The following KDELR3 variants were observed in gnomAD, a reference collection of about 807,000 sequenced individuals.
The protein encoded by KDELR3 is KDEL endoplasmic reticulum protein retention receptor 3.
A neutral mutation model predicts 22.7 loss-of-function variants in KDELR3; 26 were observed. The ratio of observed to expected loss-of-function variants is 1.15; its 90% CI spans 0.84 to 1.59. KDELR3 has a LOEUF of 1.59. Ranked by LOEUF, KDELR3 falls within the 40% of genes most tolerant of loss-of-function variation. The pLI is 0.00. For synonymous variants in KDELR3, 120 were observed against 98.2 expected (o/e 1.22, Z -1.31); for missense variants, 289 against 251.1 (o/e 1.15, Z -1.02).
intron 1 of KDELR3, 114 bp downstream of exon 1, chr22:38,468,438 G>A (rs1033197396): frequency 3.7e-6 from 3 of 803,482 alleles, no homozygotes; most frequent in Non-Finnish European, 6.1e-6. Flanking sequence ...CCGGCGTGGG[G>A]GTCCTTGAAA....
chr22:38,479,548 A>G (rs1602662131), intron 2 of KDELR3, 45 bp from the exon 3 acceptor site: 1 of 1,575,532 alleles, frequency 6.3e-7, no homozygotes, highest in Non-Finnish European at 8.7e-7. Flanking sequence ...ATAGGCCGGG[A>G]AATGACTTCA....
Position 38,482,594 on chromosome 22 carries a change from T to C in KDELR3, c.*58T>C. On this transcript the variant is annotated 3_prime_UTR_variant, in exon 5 of 5. Transcript: ENST00000216014. ...CACATGAAGGAAACTATTTTGAATG[T>C]TCTCTTTGGCAACTTATCCATAATT... 2 of 1,429,218 alleles carry C rather than the reference T, an allele frequency of 1.4e-6. No individual in the cohort carries two copies. Among genetic ancestry groups the C allele is most frequent in the Non-Finnish European group, 2.0e-6 (2 of 1,017,342 alleles). 88.5% of individuals were successfully genotyped at this position (1,429,218 alleles called of 1,614,324 possible). A position where few individuals can be genotyped will look rare whatever the true frequency, so the allele number is the denominator to read the frequency against.
chr22:38,476,624 A>C (rs1289763583), intron 2 of KDELR3, among the ~76,000 whole-genome samples: 1 of 151,952 alleles, frequency 6.6e-6, no homozygotes, highest in Non-Finnish European at 1.5e-5. Flanking sequence ...TCCTGGATTC[A>C]AGCAATTCTC....
intron 2 of KDELR3, 25 bp downstream of exon 2, chr22:38,474,648 G>T: frequency 6.3e-7 from 1 of 1,579,910 alleles, no homozygotes; most frequent in Non-Finnish European, 8.7e-7. Flanking sequence ...GATGATGGTT[G>T]GGGGAAGCCA....
chr22:38,475,877 AC>A (rs1406328609), intron 2 of KDELR3, among the ~76,000 whole-genome samples: 5 of 151,942 alleles, frequency 3.3e-5, no homozygotes, highest in African/African-American at 1.2e-4. Flanking sequence ...CAAGTGGTCC[AC>A]CCACCTCGAC....
In KDELR3 at chr22:38,483,443, G is replaced by T. The variant is rs1199106404; in HGVS notation, c.*907G>T. ...AAGCAATAAAAGCTCACACCTTATT[G>T]TCAACAGTGTTTTTATTTATACCTA... On this transcript the variant is annotated 3_prime_UTR_variant, in exon 5 of 5. Transcript: ENST00000216014. The T allele has an allele frequency of 6.6e-6, 1 of 152,358 alleles. No homozygotes were observed. The allele number at this position is 152,358 out of a possible 1,614,324, so 9.4% of individuals were successfully genotyped here.
intron 4 of KDELR3, among the ~76,000 whole-genome samples, chr22:38,482,215 G>A (rs1201126467): frequency 6.6e-6 from 1 of 152,190 alleles, no homozygotes; most frequent in Non-Finnish European, 1.5e-5. Flanking sequence ...GTGGACACAA[G>A]TTCTAGGACT....
chr22:38,482,390 T>A, intron 4 of KDELR3, 106 bp from the exon 5 acceptor site: 1 of 922,526 alleles, frequency 1.1e-6, no homozygotes, highest in Non-Finnish European at 1.8e-6. Flanking sequence ...ATCGAACATA[T>A]ACTGTGAGCC....
chr22:38,481,529 A>C (rs997803438), intron 4 of KDELR3, 65 bp downstream of exon 4: 1 of 1,607,702 alleles, frequency 6.2e-7, no homozygotes, highest in Non-Finnish European at 8.5e-7. Flanking sequence ...TTTAATAAGT[A>C]TTCCAGCAGA....
In KDELR3 at chr22:38,481,189, T is replaced by C. The variant is rs376950482; in HGVS notation, c.352-23T>C. 16 of 1,602,264 alleles carry C rather than the reference T, an allele frequency of 1.0e-5. No homozygotes were observed. In the African/African-American group the frequency reaches 1.3e-4, roughly 13 times the overall value. ...CCTCTTCTTGGTCTTGCTCAGTCTC[T>C]GGTTGCTTTCTCTTTGGCTCAGATC... On this transcript the variant is annotated intron_variant, in intron 3 of 4. Transcript: ENST00000216014.
At chr22:38,478,386 T>G (rs56341717) in intron 2 of KDELR3, among the ~76,000 whole-genome samples, 3 of 151,318 alleles carry the variant, frequency 2.0e-5, no homozygotes, top group Non-Finnish European at 4.4e-5. Flanking sequence ...AATATAAAAA[T>G]TAGCCGGGCA....
At chr22:38,479,824 C>A in intron 3 of KDELR3, 73 bp downstream of exon 3, 1 of 1,434,516 alleles carries the variant, frequency 7.0e-7, no homozygotes, top group Non-Finnish European at 9.7e-7. Flanking sequence ...AGACCCTGGG[C>A]TTGCCTTCTG....
intron 1 of KDELR3, among the ~76,000 whole-genome samples, chr22:38,468,745 C>T (rs930676991): frequency 6.6e-6 from 1 of 152,154 alleles, no homozygotes; most frequent in Non-Finnish European, 1.5e-5. Context: ...CCCCACCCCG[C>T]CCCCCAAAGT....
At chr22:38,472,477 A>T (rs1299609863) in intron 1 of KDELR3, among the ~76,000 whole-genome samples, 13 of 151,964 alleles carry the variant, frequency 8.6e-5, no homozygotes, top group Non-Finnish European at 1.9e-4. Context: ...ACTCTGTCTC[A>T]AAAAATAAAT....
intron 1 of KDELR3, among the ~76,000 whole-genome samples, chr22:38,469,913 A>G (rs958035671): frequency 1.3e-5 from 2 of 152,104 alleles, no homozygotes; most frequent in African/African-American, 4.8e-5. Context: ...TCCACCTCCC[A>G]GGTTCAAGCG....
rs147788461 is a variant in KDELR3 at position 38,479,648 on chromosome 22, G to T, written c.248G>T (p.Arg83Leu). 1 of 1,613,908 alleles carries T rather than the reference G, an allele frequency of 6.2e-7. No individual in the cohort carries two copies. Among genetic ancestry groups the T allele is most frequent in the Non-Finnish European group, 8.5e-7 (1 of 1,179,836 alleles). ...GTGTACATGATATATGGGAAATTCC[G>T]TAAAACTTTTGACAGTGAGAATGAC... ...VTVYMIYGKF[R>L]KTFDSENDTF... The change falls in exon 3 of 5, where the codon CGT becomes CTT. Residue 83 changes from arginine to leucine, a missense_variant. Physicochemically the swap from Arg to Leu is moderately radical, Grantham distance 102. Transcript: ENST00000216014.
intron 1 of KDELR3, among the ~76,000 whole-genome samples, chr22:38,472,506 C>T (rs962272381): frequency 6.6e-6 from 1 of 151,660 alleles, no homozygotes; most frequent in Non-Finnish European, 1.5e-5. Context: ...AAAAAGTGGC[C>T]AAAGGACACT....
chr22:38,472,171 C>A (rs1448378927), intron 1 of KDELR3, among the ~76,000 whole-genome samples: 1 of 152,034 alleles, frequency 6.6e-6, no homozygotes, highest in Admixed American at 6.6e-5. Flanking sequence ...TATACTGTTT[C>A]TTCCATCTGA....
intron 2 of KDELR3, among the ~76,000 whole-genome samples, chr22:38,476,443 C>T (rs1237471589): frequency 6.6e-6 from 1 of 152,192 alleles, no homozygotes; most frequent in Non-Finnish European, 1.5e-5. Context: ...TGGTCTCGAT[C>T]TCCTGACCTT....
Sources: allele counts gnomAD v4.1 joint callset (sites outside exome capture counted in the v4.1 genomes callset), GRCh38; gene constraint gnomAD v4.1.1; transcripts MANE v1.5; gene names NCBI Gene and HGNC (gene_info 2026-07-23, HGNC 2026-07-21).